The following EIF2AK4 variants were observed in gnomAD, a reference collection of about 807,000 sequenced individuals.
EIF2AK4 encodes eIF-2-alpha kinase GCN2.
Under a neutral mutation model 211.1 loss-of-function variants are expected in EIF2AK4, and 139 were observed. That is an observed-to-expected ratio of 0.66 (90% CI 0.57 to 0.76). The LOEUF (loss-of-function observed/expected upper bound fraction) is 0.76, where lower values mean the gene tolerates loss of function less well. Among genes scored for constraint, EIF2AK4 ranks in the 30% least tolerant of loss-of-function variants. The probability of loss-of-function intolerance (pLI) is 0.00; values close to 1 mark genes in which losing one functional copy is unlikely to be tolerated. For synonymous variants in EIF2AK4, 710 were observed against 751.3 expected (o/e 0.94, Z 0.90); for missense variants, 1,664 against 2,043.8 (o/e 0.81, Z 3.58).
At chr15:40,024,328 C>T (rs569575491) in intron 32 of EIF2AK4, among the ~76,000 whole-genome samples, 3 of 151,928 alleles carry the variant, frequency 2.0e-5, no homozygotes, top group Non-Finnish European at 1.5e-5. Flanking sequence ...AGGCGTGTGC[C>T]ACTGCACCTG....
chr15:40,017,574 T>A (rs2035327780), intron 29 of EIF2AK4, among the ~76,000 whole-genome samples: 1 of 130,408 alleles, frequency 7.7e-6, no homozygotes, highest in African/African-American at 2.9e-5. Context: ...AGACAGGGCC[T>A]TGCTCTGTCA....
At chr15:40,010,256 G>GTGCCTTGCCCTTGATTCTTCCAGTC (rs2035217465) in intron 26 of EIF2AK4, among the ~76,000 whole-genome samples, 1 of 152,170 alleles carries the variant, frequency 6.6e-6, no homozygotes, top group Non-Finnish European at 1.5e-5. Flanking sequence ...AATAAACAGT[G>GTGCCTTGCCCTTGATTCTTCCAGTC]TGCCTTGCCC....
Position 39,971,149 on chromosome 15 carries a change from C to G in EIF2AK4, c.1554-1759C>G, listed in dbSNP as rs530022808. Among the ~76,000 whole-genome samples the G allele has an allele frequency of 1.1e-4, 16 of 152,256 alleles. No homozygotes were observed. The South Asian group carries it at 2.1e-3, about 20-fold the overall frequency. On this transcript the variant is annotated intron_variant, in intron 9 of 38. Transcript: ENST00000263791. ...CCTGTAATCCCAGCATTGCAGGAGG[C>G]CTAGGTGAGAGTATCTCTTGAGTCC...
chr15:40,011,179 G>C, intron 26 of EIF2AK4, 102 bp from the exon 27 acceptor site: 2 of 928,106 alleles, frequency 2.2e-6, no homozygotes, highest in Non-Finnish European at 3.4e-6. Flanking sequence ...GGAGCAGTTT[G>C]TTCAAAATGA....
intron 3 of EIF2AK4, chr15:39,946,772 C>T (rs958216020): frequency 6.2e-6 from 4 of 649,174 alleles, no homozygotes; most frequent in Non-Finnish European, 1.1e-5. Context: ...CACCAGCCAC[C>T]ACCTTGATCA....
intron 7 of EIF2AK4, 32 bp downstream of exon 7, chr15:39,961,931 T>C (rs770329271): frequency 2.0e-6 from 3 of 1,538,018 alleles, no homozygotes; most frequent in Non-Finnish European, 2.7e-6. Context: ...ATTCATATTA[T>C]TGTAATGGCA....
In EIF2AK4 at chr15:40,024,737, T is replaced by C. The variant is rs192171680; in HGVS notation, c.4390-1240T>C. ...TTACTCTGAGAATCCTGGCTTTTTTTTGTTTTTTTTTTTGAGACAGGGTCT... is the reference window on the plus strand; with the variant it reads ...TTACTCTGAGAATCCTGGCTTTTTTCTGTTTTTTTTTTTGAGACAGGGTCT... On this transcript the variant is annotated intron_variant, in intron 32 of 38. Transcript: ENST00000263791. 4.6e-5 allele frequency among the ~76,000 whole-genome samples: 7 copies of C among 151,144 alleles called. No homozygotes were observed. In the East Asian group the frequency reaches 1.4e-3, roughly 29 times the overall value.
Position 39,990,335 on chromosome 15 carries a change from A to G in EIF2AK4, c.2589A>G (p.Lys863=). 1 of 1,614,186 alleles carries G rather than the reference A, an allele frequency of 6.2e-7. No individual in the cohort carries two copies. Among genetic ancestry groups the G allele is most frequent in the South Asian group, 1.1e-5 (1 of 91,088 alleles). ...TTTTGGATTCTGATGACCATGTGAA[A>G]ATAGGTGATTTTGGTTTGGCGACAG... is the stretch of plus-strand genomic sequence containing the variant. ...NIFLDSDDHV[K]IGDFGLATDH... The change falls in exon 16 of 39, where the codon AAA becomes AAG. Residue 863 remains lysine, a synonymous_variant. Transcript: ENST00000263791.
At chr15:39,995,705 A>G (rs1487705462) in intron 18 of EIF2AK4, among the ~76,000 whole-genome samples, 1 of 144,484 alleles carries the variant, frequency 6.9e-6, no homozygotes, top group East Asian at 2.0e-4. Context: ...TTTATTTTTT[A>G]TTTTTTTCCT....
rs566249602 is a variant in EIF2AK4 at position 39,998,715 on chromosome 15, G to A, written c.2869-16G>A. The A allele has an allele frequency of 6.6e-5, 107 of 1,609,092 alleles. No homozygotes were observed. Among genetic ancestry groups the A allele is most frequent in the South Asian group, 3.8e-4 (34 of 90,556 alleles). On this transcript the variant is annotated splice_polypyrimidine_tract_variant and intron_variant, in intron 19 of 38. Transcript: ENST00000263791. ...CAGTCTGCCAAAACCTTGCTGATTT[G>A]AATATATTTTTTTAGCCCACTTCGC... is the stretch of plus-strand genomic sequence containing the variant.
rs768079277 is a variant in EIF2AK4 at position 40,034,862 on chromosome 15, CCT to C, written c.4893-164_4893-163del. ...TTACTAGGACCTTATACTGCAGACC[CCT>C]GTCAGTCACACCTTGTATAAAACCT... On this transcript the variant is annotated intron_variant, in intron 38 of 38. Transcript: ENST00000263791. Among the ~76,000 whole-genome samples, 132 of 152,236 alleles carry C rather than the reference CCT, an allele frequency of 8.7e-4. 1 individual carries two copies. Among genetic ancestry groups the C allele is most frequent in the Non-Finnish European group, 6.3e-4 (43 of 68,006 alleles).
chr15:39,979,819 A>G (rs1351137199), intron 13 of EIF2AK4, among the ~76,000 whole-genome samples: 1 of 152,220 alleles, frequency 6.6e-6, no homozygotes, highest in Non-Finnish European at 1.5e-5. Flanking sequence ...ACCAAAATTT[A>G]GTGTTCTGTA....
chr15:40,014,751 T>C (rs1372835308), intron 27 of EIF2AK4, among the ~76,000 whole-genome samples: 1 of 152,226 alleles, frequency 6.6e-6, no homozygotes, highest in Non-Finnish European at 1.5e-5. Context: ...GGCTTGAATT[T>C]TTCCTCAGAG....
chr15:39,992,792 A>T lies in EIF2AK4; in HGVS notation c.2710A>T (p.Thr904Ser). ...AGGTCACTTAACTGGGATGGTTGGC[A>T]CTGCTCTCTATGTAAGCCCAGAGGT... is the stretch of plus-strand genomic sequence containing the variant. ...PSGHLTGMVG[T>S]ALYVSPEVQG... is the part of the protein sequence containing the mutation. Residue 904 changes from threonine (T) to serine (S), a missense_variant, in exon 18 of 39, where the codon ACT (threonine) becomes TCT (serine). Around this residue, in one of 7 missense-constraint regions of EIF2AK4, gnomAD observed 622 missense variants for 796.8 expected, o/e 0.78. Transcript: ENST00000263791. The T allele has an allele frequency of 1.2e-6, 2 of 1,614,154 alleles. No homozygotes were observed. The highest frequency in any genetic ancestry group is 1.7e-6 in the Non-Finnish European group (2 of 1,180,024).
chr15:40,007,264 T>G (rs2035174369), intron 24 of EIF2AK4, among the ~76,000 whole-genome samples, 199 bp downstream of exon 24: 1 of 152,194 alleles, frequency 6.6e-6, no homozygotes, highest in South Asian at 2.1e-4. Context: ...TTAGAAGGAA[T>G]GTAGCAGGTA....
chr15:40,016,692 C>T lies in EIF2AK4; in HGVS notation c.3930+20C>T. ...TTACAGGTTTGGCAACAGTTTGATA[C>T]TGGCAGTACAAATGTGTAGCATTAC... On this transcript the variant is annotated intron_variant, in intron 28 of 38. Coordinates refer to ENST00000263791, the MANE Select transcript of EIF2AK4 (RefSeq NM_001013703.4). 6.2e-7 allele frequency: 1 copy of T among 1,612,544 alleles called. No homozygotes were observed. Among genetic ancestry groups the T allele is most frequent in the Non-Finnish European group, 8.5e-7 (1 of 1,179,162 alleles).
At chr15:39,971,735 T>TA (rs1181899679) in intron 9 of EIF2AK4, among the ~76,000 whole-genome samples, 168 of 150,392 alleles carry the variant, frequency 1.1e-3, no homozygotes, top group African/African-American at 3.6e-3. Context: ...AAATTAAAAT[T>TA]AAAAAAAAAG....
chr15:39,970,323 C>A (rs888532973), intron 9 of EIF2AK4, among the ~76,000 whole-genome samples: 2 of 152,156 alleles, frequency 1.3e-5, no homozygotes, highest in African/African-American at 4.8e-5. Context: ...TAGGCTGTAA[C>A]ATTTTTCTGA....
At chr15:40,007,648 T>G (rs1225658453) in intron 24 of EIF2AK4, among the ~76,000 whole-genome samples, 1 of 152,230 alleles carries the variant, frequency 6.6e-6, no homozygotes, top group Admixed American at 6.5e-5. Context: ...ACTTTAAAGC[T>G]CCTTTCTTCA....
Sources: gnomAD v4.1 joint callset for allele counts (sites outside exome capture counted in the v4.1 genomes callset) on GRCh38, gnomAD v4.1.1 for gene constraint, gnomAD v4.1.1 regional missense constraint, MANE v1.5 for transcripts, NCBI Gene and HGNC (gene_info 2026-07-23, HGNC 2026-07-21) for gene names.